COL7A1: variants seen among roughly 807,000 people sequenced by gnomAD.
The protein encoded by COL7A1 is collagen type VII alpha 1 chain.
Under a neutral mutation model 456.2 loss-of-function variants are expected in COL7A1, and 296 were observed. That is an observed-to-expected ratio of 0.65 (90% CI 0.59 to 0.71). The LOEUF is 0.71. Among genes scored for constraint, COL7A1 ranks in the 30% least tolerant of loss-of-function variants. The pLI is 0.00. For synonymous variants in COL7A1, 1,464 were observed against 1,525.9 expected, an observed-to-expected ratio of 0.96 and a Z score of 0.95; for missense variants, 3,441 against 4,017.2, an observed-to-expected ratio of 0.86 and a Z score of 3.88.
Position 48,574,418 on chromosome 3 carries a change from C to G in COL7A1, c.6456+70G>C. 6.2e-7 allele frequency: 1 copy of G among 1,610,498 alleles called. No homozygotes were observed. ...CAGTCCCAGGCAGTACAGACCCCAG[C>G]CCTGCACACAGGACAATACATGTGA... On this transcript the variant is annotated intron_variant, in intron 79 of 118. Transcript: ENST00000681320. This position sits in a 1 kb window ranked among gnomAD's most constrained non-coding sequence, Gnocchi z 5.0.
intron 46 of COL7A1, 55 bp downstream of exon 46, chr3:48,582,423 T>TC: frequency 6.2e-7 from 1 of 1,613,968 alleles, no homozygotes; most frequent in South Asian, 1.1e-5. Context: ...AATCCCAGTG[T>TC]CCCATCTGCC....
intron 71 of COL7A1, 121 bp from the exon 72 acceptor site, chr3:48,576,023 T>G: frequency 1.3e-6 from 2 of 1,525,210 alleles, no homozygotes; most frequent in Non-Finnish European, 1.8e-6. Context: ...CAGAGCACCC[T>G]TTAGCACTTG....
At position 48,565,160 on chromosome 3, in the gene COL7A1, C is replaced by T. The variant is rs372166543; in HGVS notation, c.8569G>A (p.Glu2857Lys). The change falls in exon 117 of 119, where the codon GAG (glutamate) becomes AAG (lysine). Residue 2857 changes from glutamate to lysine, a missense_variant. By Grantham distance (56) the Glu-to-Lys change is moderately conservative (BLOSUM62 1). Transcript: ENST00000681320. This position sits in a 1 kb window ranked among gnomAD's most constrained non-coding sequence, Gnocchi z 4.5. The part of the protein sequence containing the change: ...PEDDEYSEYS[E>K]YSVEEYQDPE... ...TCCTGGTACTCCTCCACAGAATACT[C>T]GGAGTATTCAGAGTACTCATCATCC... 21 of 1,613,928 alleles carry T rather than the reference C, an allele frequency of 1.3e-5. No individual in the cohort carries two copies. Among genetic ancestry groups the T allele is most frequent in the Middle Eastern group, 1.6e-4 (1 of 6,082 alleles).
In COL7A1 at chr3:48,593,565, G is replaced by T. The variant is rs755925428; in HGVS notation, c.398C>A (p.Pro133His). Reference protein sequence around the residue: ...ILHVADHVFLPQLARPGVPKV... With the variant: ...ILHVADHVFLHQLARPGVPKV... ...GGGGACACCAGGTCGGGCCAGCTGG[G>T]GCAGGAAGACATGGTCAGCCACATG... The change falls in exon 4 of 119, where the codon CCC becomes CAC. Residue 133 changes from proline (P) to histidine (H), a missense_variant. Transcript: ENST00000681320. This position sits in a 1 kb window ranked among gnomAD's most constrained non-coding sequence, Gnocchi z 4.4. The T allele has an allele frequency of 1.7e-5, 27 of 1,614,072 alleles. 1 individual carries two copies. The East Asian group carries it at 6.0e-4, about 36-fold the overall frequency.
chr3:48,575,284 T>TGGC lies in COL7A1; in HGVS notation c.6181-43_6181-42insGCC, dbSNP rs2044214137. 2.0e-6 allele frequency: 3 copies of TGGC among 1,533,340 alleles called. No homozygotes were observed. Among genetic ancestry groups the TGGC allele is most frequent in the Non-Finnish European group, 2.7e-6 (3 of 1,110,702 alleles). 95.0% of individuals were successfully genotyped at this position (1,533,340 alleles called of 1,614,324 possible). A position where few individuals can be genotyped will look rare whatever the true frequency, so the allele number is the denominator to read the frequency against. ...GGGTGAGGGCCAAGCCCATGGGGGG[T>TGGC]CCCACCCCTCCCAACCCCTCTTCCC... On this transcript the variant is annotated intron_variant, in intron 74 of 118. Transcript: ENST00000681320. This position sits in a 1 kb window ranked among gnomAD's most constrained non-coding sequence, Gnocchi z 6.3.
Position 48,572,612 on chromosome 3 carries a change from G to T in COL7A1, c.6900+59C>A. The T allele has an allele frequency of 1.9e-6, 3 of 1,587,044 alleles. No individual in the cohort carries two copies. Among genetic ancestry groups the T allele is most frequent in the Non-Finnish European group, 1.7e-6 (2 of 1,164,840 alleles). ...GCCACCCCCATGGCATTTGGAAACA[G>T]GCTTGTGGGTGAGGCAGAGGAGTTG... On this transcript the variant is annotated intron_variant, in intron 88 of 118. Coordinates refer to ENST00000681320, the MANE Select transcript of COL7A1 (RefSeq NM_000094.4). The surrounding 1 kb of genome is among the most constrained non-coding windows in gnomAD (Gnocchi z 4.6).
chr3:48,588,960 T>C lies in COL7A1; in HGVS notation c.2350A>G (p.Ile784Val), dbSNP rs1380773186. 6.2e-7 allele frequency: 1 copy of C among 1,613,398 alleles called. No homozygotes were observed. The highest frequency in any genetic ancestry group is 8.5e-7 in the Non-Finnish European group (1 of 1,180,036). ...EPVGRVSRLQ[I>V]LNASSDVLRI... is the part of the protein sequence containing the mutation. ...AGAACGTCGCTGGAAGCATTGAGGA[T>C]CTGCAGCCTCGACACACGACCCACA... is the stretch of plus-strand genomic sequence containing the variant. Residue 784 changes from isoleucine to valine, a missense_variant, in exon 19 of 119, where the codon ATC becomes GTC. By Grantham distance (29) the Ile-to-Val change is conservative. This residue lies in a region of COL7A1 where 913 missense variants were observed against 1,088.2 expected (regional missense o/e 0.84). Coordinates refer to ENST00000681320, the MANE Select transcript of COL7A1 (RefSeq NM_000094.4). This position sits in a 1 kb window ranked among gnomAD's most constrained non-coding sequence, Gnocchi z 4.6.
rs771692030 is a variant in COL7A1 at position 48,592,506 on chromosome 3, G to C, written c.977-39C>G. Reference sequence around the variant, plus strand: ...CCACCAGGGATTCATGGAGTCAGAAGTGGGAGGGGGTACTGGGGTCGGGGG... The same window carrying C: ...CCACCAGGGATTCATGGAGTCAGAACTGGGAGGGGGTACTGGGGTCGGGGG... On this transcript the variant is annotated intron_variant, in intron 8 of 118. Transcript: ENST00000681320. The surrounding 1 kb of genome is among the most constrained non-coding windows in gnomAD (Gnocchi z 7.6). 1.2e-6 allele frequency: 2 copies of C among 1,613,422 alleles called. No homozygotes were observed. Among genetic ancestry groups the C allele is most frequent in the South Asian group, 2.2e-5 (2 of 91,088 alleles).
chr3:48,589,599 C>G lies in COL7A1; in HGVS notation c.2170G>C (p.Gly724Arg). The change falls in exon 17 of 119, where the codon GGC becomes CGC. Residue 724 changes from glycine to arginine, a missense_variant and splice_region_variant. By Grantham distance (125) the Gly-to-Arg change is moderately radical. This residue lies in a region of COL7A1 where 913 missense variants were observed against 1,088.2 expected (regional missense o/e 0.84). Coordinates refer to ENST00000681320, the MANE Select transcript of COL7A1 (RefSeq NM_000094.4). ...GYRVSWHSAH[G>R]PEKSQLVSGE... ...CCCCCTCCCAAACCCCAGTCCCCAC[C>G]GTGGGCTGAGTGCCAGGAAACCCTG... 2.5e-6 allele frequency: 4 copies of G among 1,613,680 alleles called. No individual in the cohort carries two copies. The highest frequency in any genetic ancestry group is 3.4e-6 in the Non-Finnish European group (4 of 1,179,974).
At position 48,569,462 on chromosome 3, in the gene COL7A1, T is replaced by A; in HGVS notation, c.7615-16A>T. Reference sequence around the variant, plus strand: ...CTCGTTCACCCTGGGTTGGTTTGGGTAAGAAGTCACGGTAAGGGGCTGAAG... The same window carrying A: ...CTCGTTCACCCTGGGTTGGTTTGGGAAAGAAGTCACGGTAAGGGGCTGAAG... On this transcript the variant is annotated splice_polypyrimidine_tract_variant and intron_variant, in intron 102 of 118. Transcript: ENST00000681320. The surrounding 1 kb of genome is among the most constrained non-coding windows in gnomAD (Gnocchi z 4.9). 1 of 1,614,092 alleles carries A rather than the reference T, an allele frequency of 6.2e-7. No homozygotes were observed. Among genetic ancestry groups the A allele is most frequent in the Non-Finnish European group, 8.5e-7 (1 of 1,180,006 alleles).
Position 48,568,295 on chromosome 3 carries a change from G to T in COL7A1, c.7795-125C>A. 1.7e-6 allele frequency: 2 copies of T among 1,202,440 alleles called. No individual in the cohort carries two copies. The highest frequency in any genetic ancestry group is 2.4e-6 in the Non-Finnish European group (2 of 824,090). 74.5% of individuals were successfully genotyped at this position (1,202,440 alleles called of 1,614,324 possible). On this transcript the variant is annotated intron_variant, in intron 105 of 118. Coordinates refer to ENST00000681320, the MANE Select transcript of COL7A1 (RefSeq NM_000094.4). This position sits in a 1 kb window ranked among gnomAD's most constrained non-coding sequence, Gnocchi z 5.2. ...ACCTCTGGAGGCCAGAGCCACTGGGGCTTGCCATGGGGACAAGGGTCACCA... is the reference window on the plus strand; with the variant it reads ...ACCTCTGGAGGCCAGAGCCACTGGGTCTTGCCATGGGGACAAGGGTCACCA...
At chr3:48,584,462 G>A (rs1162996018) in intron 36 of COL7A1, 23 bp downstream of exon 36, 1 of 1,613,700 alleles carries the variant, frequency 6.2e-7, no homozygotes. Flanking sequence ...CACATCACTT[G>A]CCTCCACATA....
At position 48,573,225 on chromosome 3, in the gene COL7A1, T is replaced by C. The variant is rs1196543071; in HGVS notation, c.6663A>G (p.Gly2221=). The C allele has an allele frequency of 1.2e-6, 2 of 1,613,972 alleles. No homozygotes were observed. Among genetic ancestry groups the C allele is most frequent in the East Asian group, 4.5e-5 (2 of 44,870 alleles). ...ETGPPGRGLT[G]PTGAVGLPGP... ...CAGGAAGTCCCACAGCTCCAGTAGG[T>C]CCAGTCAGGCCCTGGAGGAAGAGAA... Residue 2221 remains glycine (G), a synonymous_variant, in exon 85 of 119, where the codon GGA becomes GGG. Transcript: ENST00000681320. This position sits in a 1 kb window ranked among gnomAD's most constrained non-coding sequence, Gnocchi z 5.5.
rs372166543 is a variant in COL7A1 at position 48,565,160 on chromosome 3, C to A, written c.8569G>T (p.Glu2857Ter). ...TCCTGGTACTCCTCCACAGAATACT[C>A]GGAGTATTCAGAGTACTCATCATCC... The part of the protein sequence containing the change: ...PEDDEYSEYS[E>*]YSVEEYQDPE... The change falls in exon 117 of 119, where the codon GAG becomes TAG. Residue 2857 changes from glutamate (E) to a stop codon, truncating the protein, a stop_gained. Coordinates refer to ENST00000681320, the MANE Select transcript of COL7A1 (RefSeq NM_000094.4). LOFTEE classifies it high-confidence loss of function. This position sits in a 1 kb window ranked among gnomAD's most constrained non-coding sequence, Gnocchi z 4.5. The A allele has an allele frequency of 3.7e-6, 6 of 1,613,928 alleles. No individual in the cohort carries two copies. The East Asian group carries it at 1.3e-4, about 36-fold the overall frequency.
At position 48,586,154 on chromosome 3, in the gene COL7A1, C is replaced by T. The variant is rs865954493; in HGVS notation, c.3643G>A (p.Ala1215Thr). The change falls in exon 28 of 119, where the codon GCC becomes ACC. Residue 1215 changes from alanine to threonine, a missense_variant. By Grantham distance (58) the Ala-to-Thr change is moderately conservative. Transcript: ENST00000681320. This position sits in a 1 kb window ranked among gnomAD's most constrained non-coding sequence, Gnocchi z 5.1. ...PGMDSVQTFFAVDDGPSLDQA... is the reference protein window; with the variant it reads ...PGMDSVQTFFTVDDGPSLDQA... ...TCCAGGCTTGGCCCATCATCCACGG[C>T]GAAGAAGGTCTGGACAGAGTCCATA... 6.8e-6 allele frequency: 11 copies of T among 1,613,206 alleles called. No individual in the cohort carries two copies. Among genetic ancestry groups the T allele is most frequent in the African/African-American group, 6.7e-5 (5 of 74,918 alleles).
In COL7A1 at chr3:48,592,585, C is replaced by T. The variant is rs772063851; in HGVS notation, c.961G>A (p.Gly321Arg). The change falls in exon 8 of 119, where the codon GGG (glycine) becomes AGG (arginine). Residue 321 changes from glycine (G) to arginine (R), a missense_variant. By Grantham distance (125) the Gly-to-Arg change is moderately radical. Around this residue, in one of 3 missense-constraint regions of COL7A1, gnomAD observed 913 missense variants for 1,088.2 expected, o/e 0.84. Transcript: ENST00000681320. The surrounding 1 kb of genome is among the most constrained non-coding windows in gnomAD (Gnocchi z 7.6). ...AATTGCTCACTGGTCCGAGCTGTCC[C>T]GCTCACAGCCTCCCCGATGCTGTTG... ...YANSIGEAVSGTARTTALEGP... is the reference protein window; with the variant it reads ...YANSIGEAVSRTARTTALEGP... 4.3e-5 allele frequency: 69 copies of T among 1,613,896 alleles called. No homozygotes were observed. Among genetic ancestry groups the T allele is most frequent in the South Asian group, 6.6e-5 (6 of 91,090 alleles).
rs1014143011 is a variant in COL7A1, at chr3:48,567,081, A to G, written c.8109+47T>C. ...AGGCCCCAGAGATGGACCCTCTCCC[A>G]AAGTGCACGCTCCCCTCAATTCACC... On this transcript the variant is annotated intron_variant, in intron 110 of 118. Transcript: ENST00000681320. The surrounding 1 kb of genome is among the most constrained non-coding windows in gnomAD (Gnocchi z 4.3). 2 of 1,612,998 alleles carry G rather than the reference A, an allele frequency of 1.2e-6. No individual in the cohort carries two copies. Among genetic ancestry groups the G allele is most frequent in the African/African-American group, 2.7e-5 (2 of 74,690 alleles).
In COL7A1 at chr3:48,566,899, C is replaced by A; in HGVS notation, c.8226+8G>T. 6.3e-7 allele frequency: 1 copy of A among 1,596,556 alleles called. No individual in the cohort carries two copies. The highest frequency in any genetic ancestry group is 8.5e-7 in the Non-Finnish European group (1 of 1,169,870). ...CAGGGATCAGGAGTCAGAGCTGGGGCCCCTTACCTTCTGGCCCTGAAGTCC... is the reference window on the plus strand; with the variant it reads ...CAGGGATCAGGAGTCAGAGCTGGGGACCCTTACCTTCTGGCCCTGAAGTCC... On this transcript the variant is annotated splice_region_variant and intron_variant, in intron 111 of 118. Coordinates refer to ENST00000681320, the MANE Select transcript of COL7A1 (RefSeq NM_000094.4). This position sits in a 1 kb window ranked among gnomAD's most constrained non-coding sequence, Gnocchi z 5.9.
chr3:48,566,931 G>A lies in COL7A1; in HGVS notation c.8202C>T (p.Gly2734=), dbSNP rs200292228. The A allele has an allele frequency of 9.9e-6, 16 of 1,608,812 alleles. No individual in the cohort carries two copies. In the Admixed American group the frequency reaches 1.9e-4, roughly 19 times the overall value. Residue 2734 remains glycine, a synonymous_variant, in exon 111 of 119, where the codon GGC becomes GGT. Transcript: ENST00000681320. This position sits in a 1 kb window ranked among gnomAD's most constrained non-coding sequence, Gnocchi z 5.9. The part of the protein sequence containing the change: ...PGPPGSVGPR[G]PEGLQGQKGE... ...CCTTCTGGCCCTGAAGTCCTTCGGG[G>A]CCTCTGGGACCAACACTGCCAGGTG...
Sources: allele counts gnomAD v4.1 joint callset, GRCh38; gene constraint gnomAD v4.1.1; regional missense constraint gnomAD v4.1.1; non-coding constraint Gnocchi (gnomAD v3.1); transcripts MANE v1.5; gene names NCBI Gene and HGNC (gene_info 2026-07-23, HGNC 2026-07-21).